Variants in NAV3 observed in about 807,000 individuals in gnomAD.
NAV3 encodes pore membrane and/or filament interacting like protein 1.
NAV3 carries 87 observed loss-of-function variants against 244.7 expected under a neutral mutation model. That is an observed-to-expected ratio of 0.36 (90% CI 0.30 to 0.42). The LOEUF is 0.42. Ranked by LOEUF, NAV3 falls within the 20% of genes least tolerant of loss-of-function variation. The probability of loss-of-function intolerance (pLI) is 1.00; values close to 1 mark genes in which losing one functional copy is unlikely to be tolerated. For missense variants in NAV3, 2,663 were observed against 2,893.3 expected (o/e 0.92, Z 1.83); for synonymous variants, 1,126 against 1,042.2 (o/e 1.08, Z -1.55).
rs906668090 is a variant in NAV3 at position 77,992,601 on chromosome 12, C to T, written c.672-2202C>T. ...GACAAGTCTTTCATTCAGTTGGTGC[C>T]GATGGATGGGAATATGAACAGAGGT... On this transcript the variant is annotated intron_variant, in intron 5 of 39. Transcript: ENST00000397909. Among the ~76,000 whole-genome samples the T allele has an allele frequency of 5.9e-5, 9 of 152,034 alleles. No individual in the cohort carries two copies. The East Asian group carries it at 1.4e-3, about 23-fold the overall frequency.
intron 7 of NAV3, among the ~76,000 whole-genome samples, chr12:78,005,534 C>A (rs537948661): frequency 1.3e-5 from 2 of 152,164 alleles, no homozygotes; most frequent in Non-Finnish European, 2.9e-5. Flanking sequence ...CACTGCAGAC[C>A]TGCTGTATCA....
chr12:78,091,099 T>C (rs776395881), intron 12 of NAV3, among the ~76,000 whole-genome samples: 3 of 152,122 alleles, frequency 2.0e-5, no homozygotes, highest in Middle Eastern at 3.2e-3. Flanking sequence ...CGTTTAAAAA[T>C]GCATTTTTGA....
chr12:78,019,582 T>A (rs999015443), intron 8 of NAV3, among the ~76,000 whole-genome samples: 3 of 152,284 alleles, frequency 2.0e-5, no homozygotes, highest in African/African-American at 2.4e-5. Flanking sequence ...AGGAATTTTT[T>A]AAAAATAGTC....
At chr12:77,829,094 CA>C (rs141863031), upstream of NAV3, among the ~76,000 whole-genome samples, 26,927 of 152,190 alleles carry the variant, frequency 0.18, 2,897 homozygotes, top group Non-Finnish European at 0.23. Flanking sequence ...AAACTAAAAA[CA>C]AAAACAAAAA....
At chr12:78,045,353 T>C (rs1881602047) in intron 9 of NAV3, among the ~76,000 whole-genome samples, 1 of 152,112 alleles carries the variant, frequency 6.6e-6, no homozygotes, top group Admixed American at 6.6e-5. Context: ...TGGAGTGCAA[T>C]GGCACAATCT....
intron 12 of NAV3, among the ~76,000 whole-genome samples, chr12:78,093,205 G>A (rs1406809161): frequency 6.6e-6 from 1 of 152,158 alleles, no homozygotes; most frequent in Admixed American, 6.5e-5. Context: ...CTGTAAGCAA[G>A]CAAATTCAGG....
At chr12:77,884,211 G>T (rs941850385) in intron 1 of NAV3, among the ~76,000 whole-genome samples, 2 of 152,118 alleles carry the variant, frequency 1.3e-5, no homozygotes, top group Non-Finnish European at 2.9e-5. Context: ...TTGATGGATG[G>T]ACGGAGGGAA....
intron 2 of NAV3, among the ~76,000 whole-genome samples, chr12:77,789,457 T>C (rs1385450714): frequency 3.3e-5 from 5 of 151,564 alleles, no homozygotes; most frequent in Non-Finnish European, 5.9e-5. Flanking sequence ...CCTGGCCACA[T>C]TGGAAGAATA....
chr12:78,180,372 G>T (rs1035481983), intron 29 of NAV3, among the ~76,000 whole-genome samples: 4 of 151,890 alleles, frequency 2.6e-5, no homozygotes, highest in Non-Finnish European at 5.9e-5. Context: ...TTAGTGTCCC[G>T]ATTGGAAGGA....
chr12:78,132,238 A>G (rs75503331), intron 18 of NAV3, among the ~76,000 whole-genome samples: 3,385 of 152,266 alleles, frequency 0.022, 140 homozygotes, highest in African/African-American at 0.075. Flanking sequence ...AATGTGAATT[A>G]TACTTTTACT....
Position 77,941,083 on chromosome 12 carries a change from A to G in NAV3, c.364A>G (p.Asn122Asp). ...TTTATTTTATCTCTTGGCTTTAGCA[A>G]ATGAAAAAGTTGAAGATATCAATGG... ...LLAEIIQIIA[N>D]EKVEDINGCP... The change falls in exon 3 of 40, where the codon AAT (asparagine) becomes GAT (aspartate). Residue 122 changes from asparagine (N) to aspartate (D), a missense_variant and splice_region_variant. Asn to Asp is a conservative substitution (Grantham distance 23). Around this residue, in one of 6 missense-constraint regions of NAV3, gnomAD observed 1,521 missense variants for 1,497.0 expected, o/e 1.02. Transcript: ENST00000397909. 6.3e-7 allele frequency: 1 copy of G among 1,580,072 alleles called. No homozygotes were observed. Among genetic ancestry groups the G allele is most frequent in the Non-Finnish European group, 8.6e-7 (1 of 1,156,354 alleles).
intron 1 of NAV3, among the ~76,000 whole-genome samples, chr12:77,862,517 T>A (rs148345215): frequency 6.6e-6 from 1 of 151,794 alleles, no homozygotes; most frequent in South Asian, 2.1e-4. Context: ...AATTTGAAAG[T>A]GTTTATTTTG....
chr12:77,940,205 A>G (rs1419317403), intron 1 of NAV3, 114 bp from the exon 2 acceptor site: 19 of 744,734 alleles, frequency 2.6e-5, no homozygotes, highest in Non-Finnish European at 4.1e-5. Flanking sequence ...TGACTTCTTA[A>G]ACTGGAATGT....
At chr12:77,618,206 T>A (rs1370010403) in intron 2 of NAV3, among the ~76,000 whole-genome samples, 1 of 152,198 alleles carries the variant, frequency 6.6e-6, no homozygotes, top group Non-Finnish European at 1.5e-5. Context: ...GCAGCCTCCT[T>A]AGAGATACTA....
At chr12:77,800,555 A>G (rs1405641896) in intron 2 of NAV3, among the ~76,000 whole-genome samples, 1 of 152,138 alleles carries the variant, frequency 6.6e-6, no homozygotes, top group African/African-American at 2.4e-5. Context: ...AAGAAAATAG[A>G]CATTTTGTTC....
chr12:77,995,785 A>G (rs1872258633), intron 6 of NAV3, among the ~76,000 whole-genome samples: 1 of 152,178 alleles, frequency 6.6e-6, no homozygotes, highest in Admixed American at 6.5e-5. Context: ...AAAAACTAGA[A>G]TAAATGATAT....
chr12:78,137,372 G>A lies in NAV3; in HGVS notation c.4630+7G>A, dbSNP rs181488824. ...AGAGACAGCATGGAAGAAGGTAAGC[G>A]TTGAGGGGGATTAAAGATGAAGTCA... On this transcript the variant is annotated splice_region_variant and intron_variant, in intron 19 of 39. Coordinates refer to ENST00000397909, the MANE Select transcript of NAV3 (RefSeq NM_001024383.2). The A allele has an allele frequency of 4.2e-5, 68 of 1,600,074 alleles. No homozygotes were observed. In the African/African-American group the frequency reaches 5.0e-4, roughly 12 times the overall value.
chr12:77,654,863 C>A (rs1873013068), intron 2 of NAV3, among the ~76,000 whole-genome samples: 1 of 151,238 alleles, frequency 6.6e-6, no homozygotes, highest in South Asian at 2.1e-4. Context: ...TGGAGTGGAC[C>A]TCTAGCAAAC....
At chr12:77,622,724 C>T (rs923577490) in intron 2 of NAV3, among the ~76,000 whole-genome samples, 2 of 151,940 alleles carry the variant, frequency 1.3e-5, no homozygotes, top group African/African-American at 4.8e-5. Context: ...CCACTGTGAC[C>T]TCTGAGTAAA....
Sources: gnomAD v4.1 joint callset for allele counts (sites outside exome capture counted in the v4.1 genomes callset) on GRCh38, gnomAD v4.1.1 for gene constraint, gnomAD v4.1.1 regional missense constraint, MANE v1.5 for transcripts, NCBI Gene and HGNC (gene_info 2026-07-23, HGNC 2026-07-21) for gene names.